The following TAFA1 variants were observed in gnomAD, a reference collection of about 807,000 sequenced individuals.
TAFA1 encodes the protein chemokine-like protein TAFA-1.
In TAFA1, 4 loss-of-function variants were observed where a neutral mutation model predicts 18.5. The ratio of observed to expected loss-of-function variants is 0.22; its 90% confidence interval spans 0.11 to 0.49. The LOEUF (loss-of-function observed/expected upper bound fraction) is 0.49. Among genes scored for constraint, TAFA1 ranks in the 20% least tolerant of loss-of-function variants. TAFA1 has a pLI of 0.98. For synonymous variants in TAFA1, 56 were observed against 55.2 expected (o/e 1.01, Z -0.06); for missense variants, 147 against 169.0 (o/e 0.87, Z 0.72).
At chr3:68,543,984 C>G (rs2073417957) in intron 4 of TAFA1, among the ~76,000 whole-genome samples, 1 of 152,090 alleles carries the variant, frequency 6.6e-6, no homozygotes, top group South Asian at 2.1e-4. Context: ...TATCTTACAA[C>G]AGGCCAACTT....
chr3:68,398,231 C>T (rs907265938), intron 2 of TAFA1, among the ~76,000 whole-genome samples: 2 of 152,062 alleles, frequency 1.3e-5, no homozygotes, highest in African/African-American at 2.4e-5. Flanking sequence ...ATATATAGAC[C>T]AATGGAAATG....
chr3:68,098,826 A>G (rs564189663), intron 2 of TAFA1, among the ~76,000 whole-genome samples: 4 of 152,262 alleles, frequency 2.6e-5, no homozygotes, highest in Admixed American at 2.6e-4. Context: ...AATGGAACAG[A>G]ATACAGAACA....
chr3:68,486,554 A>C (rs1166374959), intron 3 of TAFA1, among the ~76,000 whole-genome samples: 1 of 152,170 alleles, frequency 6.6e-6, no homozygotes, highest in Non-Finnish European at 1.5e-5. Flanking sequence ...ACGCTCTTTG[A>C]TCTAAGACTG....
At chr3:68,062,759 AT>A (rs1310760188) in intron 2 of TAFA1, among the ~76,000 whole-genome samples, 1 of 152,180 alleles carries the variant, frequency 6.6e-6, no homozygotes, top group Non-Finnish European at 1.5e-5. Flanking sequence ...TGAAATTTGG[AT>A]GTGGCTTGGT....
chr3:68,028,270 AG>A (rs1704858588), intron 2 of TAFA1, among the ~76,000 whole-genome samples: 1 of 152,194 alleles, frequency 6.6e-6, no homozygotes, highest in African/African-American at 2.4e-5. Context: ...ACTGCACTCC[AG>A]CTTGGGTGAC....
intron 3 of TAFA1, among the ~76,000 whole-genome samples, chr3:68,523,261 T>C (rs952602782): frequency 2.6e-5 from 4 of 152,220 alleles, no homozygotes; most frequent in African/African-American, 9.7e-5. Flanking sequence ...GTGTTGCTAG[T>C]CTTCCTATTT....
In TAFA1 at chr3:68,378,524, C is replaced by T. The variant is rs966693578; in HGVS notation, c.119-38756C>T. On this transcript the variant is annotated intron_variant, in intron 2 of 4. Transcript: ENST00000478136. ...ATGGCAGAAGGGACTTGCCTTCTCTCGGATGAGACTTTGGACTGTGGATCT... is the reference window on the plus strand; with the variant it reads ...ATGGCAGAAGGGACTTGCCTTCTCTTGGATGAGACTTTGGACTGTGGATCT... Among the ~76,000 whole-genome samples, 7 of 152,070 alleles carry T rather than the reference C, an allele frequency of 4.6e-5. No homozygotes were observed. The South Asian group carries it at 6.2e-4, about 14-fold the overall frequency.
intron 3 of TAFA1, among the ~76,000 whole-genome samples, chr3:68,488,972 G>A (rs1266687470): frequency 6.6e-6 from 1 of 152,146 alleles, no homozygotes; most frequent in African/African-American, 2.4e-5. Flanking sequence ...GATCTGACAG[G>A]CTCTGAGCTA....
At chr3:68,464,548 C>T (rs552503876) in intron 3 of TAFA1, among the ~76,000 whole-genome samples, 26 of 152,130 alleles carry the variant, frequency 1.7e-4, no homozygotes, top group Non-Finnish European at 3.2e-4. Context: ...CTGGTTGGAG[C>T]AGTGAAAGGA....
intron 2 of TAFA1, among the ~76,000 whole-genome samples, chr3:68,253,598 T>G (rs922815926): frequency 1.3e-5 from 2 of 152,218 alleles, no homozygotes; most frequent in African/African-American, 2.4e-5. Flanking sequence ...CCAGCCAGAC[T>G]GAAGAACCCT....
intron 2 of TAFA1, among the ~76,000 whole-genome samples, chr3:68,026,051 G>T (rs1350057036): frequency 6.6e-6 from 1 of 152,078 alleles, no homozygotes; most frequent in East Asian, 1.9e-4. Flanking sequence ...ATAAATAAAA[G>T]AAAAATGTCA....
At chr3:68,532,719 A>T (rs2073208905) in intron 3 of TAFA1, among the ~76,000 whole-genome samples, 1 of 152,104 alleles carries the variant, frequency 6.6e-6, no homozygotes, top group Non-Finnish European at 1.5e-5. Flanking sequence ...AATCTAGTGG[A>T]TCAATTCTCT....
intron 2 of TAFA1, among the ~76,000 whole-genome samples, chr3:68,011,751 C>G (rs752216722): frequency 6.6e-6 from 1 of 152,112 alleles, no homozygotes; most frequent in African/African-American, 2.4e-5. Context: ...GGTTGTTATT[C>G]GGTGCAAGCT....
At chr3:68,194,896 C>T (rs1225680902) in intron 2 of TAFA1, among the ~76,000 whole-genome samples, 2 of 151,678 alleles carry the variant, frequency 1.3e-5, no homozygotes, top group African/African-American at 4.8e-5. Context: ...GGTGTGTGAG[C>T]GTCATCATCG....
chr3:68,510,544 T>G (rs6804619), intron 3 of TAFA1, among the ~76,000 whole-genome samples: 12,773 of 152,164 alleles, frequency 0.084, 1,509 homozygotes, highest in African/African-American at 0.25. Flanking sequence ...GTTGCATGTT[T>G]TGGGGCAAAA....
chr3:68,251,171 C>T (rs1171059121), intron 2 of TAFA1, among the ~76,000 whole-genome samples: 1 of 152,144 alleles, frequency 6.6e-6, no homozygotes, highest in Non-Finnish European at 1.5e-5. Flanking sequence ...CTCAAGAACT[C>T]GGACAACAGA....
the TAFA1 span, among the ~76,000 whole-genome samples, chr3:67,995,169 A>ACATATC: frequency 2.6e-5 from 4 of 152,266 alleles, no homozygotes; most frequent in Non-Finnish European, 4.4e-5. Flanking sequence ...AACACAGAGA[A>ACATATC]CATATCTCTT....
intron 2 of TAFA1, among the ~76,000 whole-genome samples, chr3:68,052,952 C>T (rs1037933966): frequency 5.3e-4 from 81 of 152,270 alleles, no homozygotes; most frequent in African/African-American, 1.7e-3. Flanking sequence ...ATTTTCACTG[C>T]CACAAGCAGG....
chr3:68,110,565 T>C (rs575880194), intron 2 of TAFA1, among the ~76,000 whole-genome samples: 1 of 152,284 alleles, frequency 6.6e-6, no homozygotes, highest in Admixed American at 6.5e-5. Context: ...GTGGTTAATT[T>C]TAAACATTTG....
Sources: gnomAD v4.1 joint callset for allele counts (sites outside exome capture counted in the v4.1 genomes callset) on GRCh38, gnomAD v4.1.1 for gene constraint, MANE v1.5 for transcripts, NCBI Gene and HGNC (gene_info 2026-07-23, HGNC 2026-07-21) for gene names.